KAT2B: variants seen among roughly 807,000 people sequenced by gnomAD.
KAT2B encodes the protein histone acetyltransferase KAT2B.
A neutral mutation model predicts 105.9 loss-of-function variants in KAT2B; 36 were observed. The ratio of observed to expected loss-of-function variants is 0.34; its 90% CI spans 0.26 to 0.45. The LOEUF is 0.45. KAT2B is among the 20% of genes least tolerant of loss of function. KAT2B has a pLI of 1.00. For synonymous variants in KAT2B, 397 were observed against 377.9 expected (o/e 1.05, Z -0.59); for missense variants, 820 against 1,021.6 (o/e 0.80, Z 2.69).
chr3:20,118,334 G>GTA lies in KAT2B; in HGVS notation c.1151-1263_1151-1262insAT, dbSNP rs1467023577. ...TATATATTTTCTCCTAAATTTGTGT[G>GTA]TGTGTGTGTGTGTGTGTGTGTGTGT... On this transcript the variant is annotated intron_variant, in intron 7 of 17. Coordinates refer to ENST00000263754, the MANE Select transcript of KAT2B (RefSeq NM_003884.5). 2.2e-3 allele frequency among the ~76,000 whole-genome samples: 321 copies of GTA among 144,498 alleles called. 2 individuals are homozygous for GTA. The highest frequency in any genetic ancestry group is 0.011 in the Middle Eastern group (3 of 268). The allele number at this position is 144,498 out of a possible 152,430, so 94.8% of individuals were successfully genotyped here.
intron 7 of KAT2B, among the ~76,000 whole-genome samples, chr3:20,118,328 TTG>T (rs10558647): frequency 0.19 from 26,630 of 138,868 alleles, 2,699 homozygotes; most frequent in East Asian, 0.38. Context: ...TCTCCTAAAT[TTG>T]TGTGTGTGTG....
intron 11 of KAT2B, among the ~76,000 whole-genome samples, chr3:20,136,088 G>A (rs1312254420): frequency 6.6e-6 from 1 of 152,122 alleles, no homozygotes; most frequent in East Asian, 1.9e-4. Context: ...TGACCTTGAG[G>A]TACTGTGATT....
At chr3:20,099,747 G>A (rs868339015) in intron 3 of KAT2B, 115 bp from the exon 4 acceptor site, 11 of 592,602 alleles carry the variant, frequency 1.9e-5, no homozygotes, top group Non-Finnish European at 2.5e-5. Flanking sequence ...TAAAGGCTGT[G>A]TGTGTGTGTG....
intron 11 of KAT2B, among the ~76,000 whole-genome samples, chr3:20,127,770 T>A (rs1306871993): frequency 6.6e-6 from 1 of 152,206 alleles, no homozygotes; most frequent in Non-Finnish European, 1.5e-5. Context: ...AGATTAGGGC[T>A]ATGATTTTGG....
chr3:20,090,068 T>C (rs1259257134), intron 2 of KAT2B, among the ~76,000 whole-genome samples: 1 of 152,204 alleles, frequency 6.6e-6, no homozygotes, highest in East Asian at 1.9e-4. Context: ...CCTGCAACTT[T>C]ACTGAGTTTG....
chr3:20,055,527 A>G (rs1025950318), intron 1 of KAT2B, among the ~76,000 whole-genome samples: 1 of 152,112 alleles, frequency 6.6e-6, no homozygotes, highest in Non-Finnish European at 1.5e-5. Flanking sequence ...CGAGGCCTGC[A>G]TGATAAGAAG....
chr3:20,089,369 A>G (rs1041432744), intron 2 of KAT2B, among the ~76,000 whole-genome samples: 1 of 150,758 alleles, frequency 6.6e-6, no homozygotes, highest in Non-Finnish European at 1.5e-5. Context: ...AACATAAAAG[A>G]TATCTTATCA....
In KAT2B at chr3:20,130,930, G is replaced by A. The variant is rs538418068; in HGVS notation, c.1749+3381G>A. Among the ~76,000 whole-genome samples the A allele has an allele frequency of 2.0e-5, 3 of 151,378 alleles. No homozygotes were observed. In the South Asian group the frequency reaches 6.3e-4, roughly 32 times the overall value. ...TGTGTGTGTGTGCATGCGTGCGTGT[G>A]TGTGTGTGTTCTAATGGTAAGAACC... On this transcript the variant is annotated intron_variant, in intron 11 of 17. Coordinates refer to ENST00000263754, the MANE Select transcript of KAT2B (RefSeq NM_003884.5).
At chr3:20,122,965 G>A in intron 9 of KAT2B, 161 bp downstream of exon 9, 5 of 984,738 alleles carry the variant, frequency 5.1e-6, no homozygotes, top group Non-Finnish European at 6.0e-6. Flanking sequence ...AGGAACAACT[G>A]ATCAAGAGGT....
At chr3:20,124,198 T>C (rs1044100077) in intron 9 of KAT2B, among the ~76,000 whole-genome samples, 3 of 152,182 alleles carry the variant, frequency 2.0e-5, no homozygotes, top group African/African-American at 7.2e-5. Flanking sequence ...TAGGTTTTTT[T>C]CAGCTATAAA....
intron 10 of KAT2B, among the ~76,000 whole-genome samples, chr3:20,126,957 C>T (rs1042175130): frequency 2.0e-5 from 3 of 151,950 alleles, no homozygotes; most frequent in Non-Finnish European, 2.9e-5. Flanking sequence ...ATGCTTTAGA[C>T]AGAGGGAAGG....
At chr3:20,119,474 G>A (rs1699267975) in intron 7 of KAT2B, 124 bp from the exon 8 acceptor site, 4 of 932,528 alleles carry the variant, frequency 4.3e-6, no homozygotes, top group Non-Finnish European at 6.7e-6. Flanking sequence ...TGTGGCTTAT[G>A]TTTTAAAGAT....
At chr3:20,047,958 G>A (rs1471241683) in intron 1 of KAT2B, among the ~76,000 whole-genome samples, 1 of 152,092 alleles carries the variant, frequency 6.6e-6, no homozygotes, top group Non-Finnish European at 1.5e-5. Context: ...CAAATTGGTT[G>A]TTGGTTTGCA....
chr3:20,142,885 C>CTGTG (rs55845090), intron 13 of KAT2B, among the ~76,000 whole-genome samples: 212 of 139,820 alleles, frequency 1.5e-3, no homozygotes, highest in South Asian at 3.4e-3. Context: ...ATCTATGTGC[C>CTGTG]TGTGTGTGTG....
At chr3:20,122,640 T>C (rs759358125) in intron 8 of KAT2B, 28 bp from the exon 9 acceptor site, 2 of 1,591,616 alleles carry the variant, frequency 1.3e-6, no homozygotes, top group South Asian at 2.2e-5. Context: ...AACCACCCAT[T>C]GTTTGCCTTT....
intron 1 of KAT2B, among the ~76,000 whole-genome samples, chr3:20,053,988 G>T (rs1040998700): frequency 6.6e-6 from 1 of 152,100 alleles, no homozygotes; most frequent in Admixed American, 6.6e-5. Flanking sequence ...AGTAGAGATG[G>T]GGTCTCGCCA....
chr3:20,100,576 A>G (rs1415693597), intron 4 of KAT2B, among the ~76,000 whole-genome samples: 1 of 152,174 alleles, frequency 6.6e-6, no homozygotes, highest in Non-Finnish European at 1.5e-5. Context: ...TTTGATGAGA[A>G]TGACTACTGA....
intron 8 of KAT2B, among the ~76,000 whole-genome samples, chr3:20,121,265 A>C (rs1384485862): frequency 6.6e-6 from 1 of 152,332 alleles, no homozygotes; most frequent in East Asian, 1.9e-4. Context: ...CTCCTTTTCA[A>C]CTAGAGATAG....
In KAT2B at chr3:20,107,250, C is replaced by T. The variant is rs1202383201; in HGVS notation, c.852-4346C>T. Among the ~76,000 whole-genome samples the T allele has an allele frequency of 4.8e-5, 7 of 146,654 alleles. No individual in the cohort carries two copies. The South Asian group carries it at 6.8e-4, about 14-fold the overall frequency. The stretch of plus-strand genomic sequence containing the variant: ...TTCACCATGTTGGCCAGGCTGATCT[C>T]GAACTCCTGACCTTAAGTAATCTGC... On this transcript the variant is annotated intron_variant, in intron 5 of 17. Transcript: ENST00000263754.
Sources: gnomAD v4.1 joint callset for allele counts (sites outside exome capture counted in the v4.1 genomes callset) on GRCh38, gnomAD v4.1.1 for gene constraint, MANE v1.5 for transcripts, NCBI Gene and HGNC (gene_info 2026-07-23, HGNC 2026-07-21) for gene names.